STPG2: variants seen among roughly 807,000 people sequenced by gnomAD.
STPG2 encodes the protein sperm-tail PG-rich repeat-containing protein 2.
STPG2 carries 56 observed loss-of-function variants against 54.2 expected under a neutral mutation model. The observed-to-expected ratio is 1.03, with a 90% confidence interval of 0.83 to 1.29. The LOEUF (loss-of-function observed/expected upper bound fraction) is 1.29. Ranked by LOEUF, STPG2 falls within the 50% of genes most tolerant of loss-of-function variation. The probability of loss-of-function intolerance (pLI) is 0.00; values close to 1 mark genes in which losing one functional copy is unlikely to be tolerated. For synonymous variants in STPG2, 200 were observed against 181.8 expected (o/e 1.10, Z -0.81); for missense variants, 596 against 544.9 (o/e 1.09, Z -0.93).
intron 9 of STPG2, among the ~76,000 whole-genome samples, chr4:97,840,424 T>C (rs540515009): frequency 6.6e-5 from 10 of 151,774 alleles, no homozygotes; most frequent in African/African-American, 2.4e-4. Context: ...ATAACTTAAG[T>C]CTTTTACTGA....
chr4:97,916,035 C>T (rs1435895976), intron 8 of STPG2, among the ~76,000 whole-genome samples: 3 of 152,108 alleles, frequency 2.0e-5, no homozygotes, highest in Admixed American at 6.6e-5. Context: ...AATGACAGAA[C>T]TCGGCAATCA....
At chr4:97,524,991 C>G (rs1467151955) in intron 4 of STPG2, among the ~76,000 whole-genome samples, 2 of 151,772 alleles carry the variant, frequency 1.3e-5, no homozygotes, top group African/African-American at 2.4e-5. Context: ...ATTTAACAGT[C>G]AAAACATACT....
intron 5 of STPG2, among the ~76,000 whole-genome samples, chr4:98,088,137 A>C (rs981945066): frequency 6.6e-6 from 1 of 152,198 alleles, no homozygotes; most frequent in African/African-American, 2.4e-5. Flanking sequence ...AAATAATGCT[A>C]AGTTCAGGAA....
At chr4:98,102,228 A>T (rs554759817) in intron 5 of STPG2, among the ~76,000 whole-genome samples, 2 of 152,224 alleles carry the variant, frequency 1.3e-5, no homozygotes, top group Non-Finnish European at 2.9e-5. Flanking sequence ...TATCCAAATA[A>T]AATTACTGGA....
intron 10 of STPG2, among the ~76,000 whole-genome samples, chr4:97,639,670 C>A (rs1721697820): frequency 6.6e-6 from 1 of 151,864 alleles, no homozygotes; most frequent in African/African-American, 2.4e-5. Context: ...TTGAACATTG[C>A]AAATTATTCC....
rs952209984 is a variant in STPG2 at position 97,894,074 on chromosome 4, T to C, written c.1044+49823A>G. 3.3e-5 allele frequency among the ~76,000 whole-genome samples: 5 copies of C among 151,966 alleles called. No individual in the cohort carries two copies. The South Asian group carries it at 6.2e-4, about 19-fold the overall frequency. On this transcript the variant is annotated intron_variant, in intron 8 of 10. Coordinates refer to ENST00000295268, the MANE Select transcript of STPG2 (RefSeq NM_174952.3). The stretch of plus-strand genomic sequence containing the variant: ...AGGTCTATGTGTTTAGAAACAAAAG[T>C]ATAAGATACTTTGCAGAAATCTAGA...
rs549031503 is a variant in STPG2, at chr4:97,824,686, T to G, written c.1204+16087A>C. Among the ~76,000 whole-genome samples the G allele has an allele frequency of 9.9e-5, 15 of 152,250 alleles. No homozygotes were observed. In the East Asian group the frequency reaches 2.9e-3, roughly 29 times the overall value. ...GACAGAAATTTGGGGGTTCATGAAA[T>G]AGTCAGCCCTAAAAATTATCTTGCT... On this transcript the variant is annotated intron_variant, in intron 9 of 10. Transcript: ENST00000295268.
chr4:97,778,554 T>C (rs964244573), intron 9 of STPG2, among the ~76,000 whole-genome samples: 1 of 152,218 alleles, frequency 6.6e-6, no homozygotes, highest in Non-Finnish European at 1.5e-5. Flanking sequence ...CAGACTTAAC[T>C]GTCCCTGTCT....
At chr4:97,890,268 G>T (rs1023120013) in intron 8 of STPG2, among the ~76,000 whole-genome samples, 2 of 151,896 alleles carry the variant, frequency 1.3e-5, no homozygotes, top group Non-Finnish European at 2.9e-5. Context: ...TCTTAAAAGG[G>T]CCTGTAAAAA....
chr4:97,872,250 C>T (rs1039369076), intron 8 of STPG2, among the ~76,000 whole-genome samples: 4 of 151,134 alleles, frequency 2.6e-5, no homozygotes, highest in Admixed American at 6.6e-5. Flanking sequence ...AGTGTTACCT[C>T]CAATAATATT....
At chr4:97,925,295 G>A (rs779709425) in intron 8 of STPG2, among the ~76,000 whole-genome samples, 73 of 152,046 alleles carry the variant, frequency 4.8e-4, no homozygotes, top group Middle Eastern at 3.4e-3. Context: ...GTTCCTTCTC[G>A]GCCTTGATGA....
chr4:98,102,872 T>A lies in STPG2; in HGVS notation c.612+3081A>T, dbSNP rs372865832. Among the ~76,000 whole-genome samples, 32 of 148,704 alleles carry A rather than the reference T, an allele frequency of 2.2e-4. No individual in the cohort carries two copies. The East Asian group carries it at 5.6e-3, about 26-fold the overall frequency. ...ACATAATGTATATTAATATGGAATA[T>A]ATCATGTAATATATTAACATGTAAT... is the stretch of plus-strand genomic sequence containing the variant. On this transcript the variant is annotated intron_variant, in intron 5 of 10. Transcript: ENST00000295268.
chr4:98,008,404 A>T (rs1474395851), intron 5 of STPG2, among the ~76,000 whole-genome samples: 2 of 152,108 alleles, frequency 1.3e-5, no homozygotes, highest in Non-Finnish European at 2.9e-5. Context: ...ATGTTGAGGG[A>T]ACTGGTCCCC....
At chr4:97,834,147 G>T (rs1450420066) in intron 9 of STPG2, among the ~76,000 whole-genome samples, 1 of 152,094 alleles carries the variant, frequency 6.6e-6, no homozygotes, top group African/African-American at 2.4e-5. Flanking sequence ...AGAAAATGTG[G>T]CATATATACA....
At chr4:97,925,458 C>A (rs576769608) in intron 8 of STPG2, among the ~76,000 whole-genome samples, 13 of 152,190 alleles carry the variant, frequency 8.5e-5, no homozygotes, top group Non-Finnish European at 1.8e-4. Context: ...CCAATTCACT[C>A]TTCAGTGTGT....
intron 10 of STPG2, among the ~76,000 whole-genome samples, chr4:97,703,115 C>A (rs570206366): frequency 6.6e-6 from 1 of 152,142 alleles, no homozygotes; most frequent in South Asian, 2.1e-4. Flanking sequence ...TATAGACTGA[C>A]TAGACTCCTT....
At chr4:97,591,415 G>A (rs1733143588) in intron 10 of STPG2, among the ~76,000 whole-genome samples, 1 of 152,044 alleles carries the variant, frequency 6.6e-6, no homozygotes, top group Non-Finnish European at 1.5e-5. Context: ...AATAATAAAG[G>A]CTAAGTTATA....
At chr4:98,051,132 C>T (rs140449201) in intron 5 of STPG2, among the ~76,000 whole-genome samples, 1,376 of 132,992 alleles carry the variant, frequency 0.01, 27 homozygotes, top group African/African-American at 0.037. Context: ...CTTTGCCTAA[C>T]TAATGAGAGA....
chr4:97,743,634 C>G (rs554064571), intron 9 of STPG2, among the ~76,000 whole-genome samples: 2 of 151,430 alleles, frequency 1.3e-5, no homozygotes, highest in Admixed American at 1.3e-4. Flanking sequence ...CATCTTTGTG[C>G]TAGAGGGGAT....
Sources: allele counts gnomAD v4.1 joint callset (sites outside exome capture counted in the v4.1 genomes callset), GRCh38; gene constraint gnomAD v4.1.1; transcripts MANE v1.5; gene names NCBI Gene and HGNC (gene_info 2026-07-23, HGNC 2026-07-21).